Variants in PTPRS observed in about 807,000 individuals in gnomAD.
PTPRS encodes the protein receptor-type tyrosine-protein phosphatase S.
In PTPRS, 63 loss-of-function variants were observed where a neutral mutation model predicts 215.3. That is an observed-to-expected ratio of 0.29 (90% CI 0.24 to 0.36). PTPRS has a LOEUF of 0.36. Ranked by LOEUF, PTPRS falls within the 10% of genes least tolerant of loss-of-function variation. PTPRS has a pLI of 1.00. For synonymous variants in PTPRS, 1,404 were observed against 1,191.4 expected, an observed-to-expected ratio of 1.18 and a Z score of -3.68; for missense variants, 2,258 against 2,825.8, an observed-to-expected ratio of 0.80 and a Z score of 4.56.
In PTPRS at chr19:5,210,863, C is replaced by CCTGATG. The variant is rs2040809971; in HGVS notation, c.5235-64_5235-59dup. ...GCAGGGAGACCCGGCGTGGTACTCA[C>CCTGATG]CTGATGCTGCCCGGGAGGGTCAGGA... On this transcript the variant is annotated intron_variant, in intron 33 of 37. Coordinates refer to ENST00000262963, the MANE Select transcript of PTPRS (RefSeq NM_002850.4). The surrounding 1 kb of genome is among the most constrained non-coding windows in gnomAD (Gnocchi z 4.5). The CCTGATG allele has an allele frequency of 6.3e-7, 1 of 1,576,150 alleles. No homozygotes were observed. The highest frequency in any genetic ancestry group is 1.3e-5 in the African/African-American group (1 of 74,582).
At chr19:5,318,103 G>A (rs1172725014) in intron 1 of PTPRS, among the ~76,000 whole-genome samples, 1 of 151,938 alleles carries the variant, frequency 6.6e-6, no homozygotes, top group East Asian at 1.9e-4. Flanking sequence ...CCTAGGAGGT[G>A]GAGGTTGCAG....
chr19:5,252,373 T>C (rs2146136912), intron 9 of PTPRS, among the ~76,000 whole-genome samples: 1 of 151,274 alleles, frequency 6.6e-6, no homozygotes, highest in South Asian at 2.1e-4. Flanking sequence ...GGTCAGGAGT[T>C]TGAGACCAGC....
rs969845253 is a variant in PTPRS, at chr19:5,269,687, TGAG to T, written c.379+3752_379+3754del. Among the ~76,000 whole-genome samples the T allele has an allele frequency of 4.6e-5, 7 of 152,076 alleles. No homozygotes were observed. In the East Asian group the frequency reaches 7.8e-4, roughly 17 times the overall value. ...CTATAATCCCAGCACTTTGGGAGGC[TGAG>T]GAGGTGGATCACCTGAGGTCAGGAG... is the stretch of plus-strand genomic sequence containing the variant. On this transcript the variant is annotated intron_variant, in intron 4 of 37. Coordinates refer to ENST00000262963, the MANE Select transcript of PTPRS (RefSeq NM_002850.4).
chr19:5,326,978 C>T (rs540530964), intron 1 of PTPRS, among the ~76,000 whole-genome samples: 92 of 152,318 alleles, frequency 6.0e-4, no homozygotes, highest in African/African-American at 2.1e-3. Flanking sequence ...TAGAGAGTCA[C>T]AACTGACCCT....
Position 5,338,760 on chromosome 19 carries a change from C to T in PTPRS, c.-95+1904G>A, listed in dbSNP as rs1411771625. On this transcript the variant is annotated intron_variant, in intron 1 of 37. Transcript: ENST00000262963. The surrounding 1 kb of genome is among the most constrained non-coding windows in gnomAD (Gnocchi z 4.2). Reference sequence around the variant, plus strand: ...ATGCAAATGGCAGATTCGACCAAGTCCCTGGGCCATTAATAAACGCTCCAG... The same window carrying T: ...ATGCAAATGGCAGATTCGACCAAGTTCCTGGGCCATTAATAAACGCTCCAG... 2.6e-5 allele frequency among the ~76,000 whole-genome samples: 4 copies of T among 152,140 alleles called. No homozygotes were observed. Among genetic ancestry groups the T allele is most frequent in the Non-Finnish European group, 5.9e-5 (4 of 68,018 alleles).
intron 7 of PTPRS, 86 bp from the exon 8 acceptor site, chr19:5,258,213 GCCTGTCTCCTGTGC>G: frequency 3.5e-6 from 4 of 1,148,540 alleles, no homozygotes; most frequent in Non-Finnish European, 5.2e-6. Context: ...GTGCTCTCTG[GCCTGTCTCCTGTGC>G]TGGCTGGGCC....
intron 9 of PTPRS, among the ~76,000 whole-genome samples, chr19:5,246,822 A>G (rs2146006617): frequency 6.6e-6 from 1 of 152,302 alleles, no homozygotes; most frequent in Non-Finnish European, 1.5e-5. Flanking sequence ...AGCTTCTGTC[A>G]GATCTGACAA....
intron 12 of PTPRS, 82 bp downstream of exon 12, chr19:5,240,117 G>C (rs373492126): frequency 1.4e-6 from 2 of 1,384,138 alleles, no homozygotes; most frequent in East Asian, 2.8e-5. Context: ...GGGACAAAGA[G>C]GGGGAAGAGA....
rs569572753 is a variant in PTPRS at position 5,258,225 on chromosome 19, T to A, written c.596-98A>T. On this transcript the variant is annotated intron_variant, in intron 7 of 37. Transcript: ENST00000262963. ...AGAGTGCTCTCTGGCCTGTCTCCTG[T>A]GCTGGCTGGGCCAGAGAGGCAGATA... The A allele has an allele frequency of 2.6e-5, 27 of 1,045,030 alleles. No individual in the cohort carries two copies. In the East Asian group the frequency reaches 6.0e-4, roughly 23 times the overall value. The allele number at this position is 1,045,030 out of a possible 1,614,324, so 64.7% of individuals were successfully genotyped here.
At position 5,273,607 on chromosome 19, in the gene PTPRS, AAC is replaced by A. The variant is rs754347038; in HGVS notation, c.238-26_238-25del. 9.3e-6 allele frequency: 15 copies of A among 1,613,872 alleles called. No homozygotes were observed. In the East Asian group the frequency reaches 2.7e-4, roughly 29 times the overall value. ...GTCTGCCATGGGCAGGGGAAAAAAG[AAC>A]AGAGTGAGGCTGGGGTCCCAGGAAG... On this transcript the variant is annotated intron_variant, in intron 3 of 37. Coordinates refer to ENST00000262963, the MANE Select transcript of PTPRS (RefSeq NM_002850.4).
In PTPRS at chr19:5,286,246, A is replaced by C; in HGVS notation, c.-94-12T>G. 3 of 1,264,420 alleles carry C rather than the reference A, an allele frequency of 2.4e-6. No homozygotes were observed. The highest frequency in any genetic ancestry group is 3.4e-6 in the Non-Finnish European group (3 of 891,112). The allele number at this position is 1,264,420 out of a possible 1,614,324, so 78.3% of individuals were successfully genotyped here. A position where few individuals can be genotyped will look rare whatever the true frequency, so the allele number is the denominator to read the frequency against. On this transcript the variant is annotated splice_polypyrimidine_tract_variant and intron_variant, in intron 1 of 37. Transcript: ENST00000262963. ...AGATGGGGCAACGTCTGCAGAGACA[A>C]TGGAGGGCTGTGAGAGGCGAGTGGG...
intron 12 of PTPRS, among the ~76,000 whole-genome samples, chr19:5,239,374 CAG>C (rs1444544983): frequency 6.9e-6 from 1 of 144,606 alleles, no homozygotes; most frequent in Admixed American, 6.9e-5. Flanking sequence ...GACACAGAGA[CAG>C]AGATAGAGAC....
At chr19:5,330,202 G>T (rs988581293) in intron 1 of PTPRS, among the ~76,000 whole-genome samples, 1 of 152,152 alleles carries the variant, frequency 6.6e-6, no homozygotes, top group Non-Finnish European at 1.5e-5. Context: ...GCTGGGCCTG[G>T]GTGCAGCCTC....
chr19:5,231,225 C>T (rs2042983938), intron 14 of PTPRS, 85 bp downstream of exon 14: 3 of 1,401,270 alleles, frequency 2.1e-6, no homozygotes, highest in Non-Finnish European at 2.9e-6. Context: ...CTTTGACCAC[C>T]AGCCCAGGTT....
chr19:5,221,137 C>G lies in PTPRS; in HGVS notation c.3318G>C (p.Leu1106=), dbSNP rs757252101. The G allele has an allele frequency of 8.1e-6, 13 of 1,613,936 alleles. No homozygotes were observed. Among genetic ancestry groups the G allele is most frequent in the South Asian group, 1.1e-5 (1 of 91,080 alleles). The part of the protein sequence containing the change: ...NFVLTNRGSS[L]GGLQQTVTAW... ...CGGTGACCGTCTGCTGGAGGCCGCC[C>G]AGGCTGCTGCCGCGATTGGTCAGCA... Residue 1106 remains leucine, a synonymous_variant, in exon 20 of 38, where the codon CTG becomes CTC. Transcript: ENST00000262963.
At chr19:5,233,531 A>G (rs2043185394) in intron 13 of PTPRS, among the ~76,000 whole-genome samples, 1 of 151,470 alleles carries the variant, frequency 6.6e-6, no homozygotes, top group African/African-American at 2.4e-5. Flanking sequence ...TAGAGCATCT[A>G]TTTACTGAAT....
intron 2 of PTPRS, among the ~76,000 whole-genome samples, chr19:5,275,823 A>C (rs1222780414): frequency 1.3e-5 from 2 of 151,042 alleles, no homozygotes; most frequent in East Asian, 2.0e-4. Context: ...AAAAACAAAA[A>C]CAAAAACCAG....
chr19:5,226,322 C>A (rs762290608), intron 16 of PTPRS, among the ~76,000 whole-genome samples: 19 of 152,252 alleles, frequency 1.2e-4, no homozygotes, highest in Non-Finnish European at 2.5e-4. Context: ...TGGCCTTCCC[C>A]CCTGTCTACA....
chr19:5,227,943 C>G (rs572003536), intron 16 of PTPRS, among the ~76,000 whole-genome samples: 6 of 152,182 alleles, frequency 3.9e-5, no homozygotes, highest in Middle Eastern at 6.8e-3. Flanking sequence ...CACGCACCCC[C>G]CCAAGCACAG....
Sources: gnomAD v4.1 joint callset for allele counts (sites outside exome capture counted in the v4.1 genomes callset) on GRCh38, gnomAD v4.1.1 for gene constraint, Gnocchi (gnomAD v3.1) non-coding constraint, MANE v1.5 for transcripts, NCBI Gene and HGNC (gene_info 2026-07-23, HGNC 2026-07-21) for gene names.